The following RANBP2 variants were observed in gnomAD, a reference collection of about 807,000 sequenced individuals.
RANBP2 encodes the protein E3 SUMO-protein ligase RanBP2.
Under a neutral mutation model 303.6 loss-of-function variants are expected in RANBP2, and 57 were observed. The observed-to-expected ratio is 0.19, with a 90% confidence interval of 0.15 to 0.23. The LOEUF is 0.23. Among genes scored for constraint, RANBP2 ranks in the 10% least tolerant of loss-of-function variants. The pLI is 1.00. For synonymous variants in RANBP2, 1,167 were observed against 1,301.5 expected, an observed-to-expected ratio of 0.90 and a Z score of 2.23; for missense variants, 3,138 against 3,780.8, an observed-to-expected ratio of 0.83 and a Z score of 4.46.
the RANBP2 span, among the ~76,000 whole-genome samples, chr2:109,625,955 T>C: frequency 2.0e-5 from 3 of 152,330 alleles, no homozygotes; most frequent in East Asian, 5.8e-4. Context: ...TGGTGTTCCC[T>C]TTCTTTAAGA....
chr2:109,273,946 G>A, the RANBP2 span, among the ~76,000 whole-genome samples: 1 of 152,154 alleles, frequency 6.6e-6, no homozygotes, highest in African/African-American at 2.4e-5. Flanking sequence ...AGGGCTATGT[G>A]ACTTTCTGTA....
chr2:108,766,587 A>G lies in RANBP2; in HGVS notation c.6048A>G (p.Val2016=), dbSNP rs1475730284. 1 of 1,612,020 alleles carries G rather than the reference A, an allele frequency of 6.2e-7. No homozygotes were observed. The highest frequency in any genetic ancestry group is 8.5e-7 in the Non-Finnish European group (1 of 1,179,846). The part of the protein sequence containing the change: ...EDSDDIHFEP[V]VQMPEKVELV... ...GCGATGACATCCATTTTGAACCAGT[A>G]GTTCAAATGCCCGAAAAAGTAGAAC... Residue 2016 remains valine, a synonymous_variant, in exon 20 of 29, where the codon GTA becomes GTG. Coordinates refer to ENST00000283195, the MANE Select transcript of RANBP2 (RefSeq NM_006267.5).
the RANBP2 span, among the ~76,000 whole-genome samples, chr2:109,317,004 A>G: frequency 6.6e-6 from 1 of 151,876 alleles, no homozygotes; most frequent in Non-Finnish European, 1.5e-5. Context: ...ATCACTGAAT[A>G]ACACTCCATT....
At chr2:109,503,163 A>C in the RANBP2 span, 1 of 152,212 alleles carries the variant, frequency 6.6e-6, no homozygotes, top group Non-Finnish European at 1.5e-5. Context: ...CACCTTAGGA[A>C]CACATTTTTA....
At chr2:109,051,666 A>G in the RANBP2 span, among the ~76,000 whole-genome samples, 5 of 152,176 alleles carry the variant, frequency 3.3e-5, no homozygotes, top group African/African-American at 1.2e-4. Context: ...GAAAAGAAGG[A>G]AAAAGGGCAT....
At chr2:109,289,627 G>A in the RANBP2 span, among the ~76,000 whole-genome samples, 7 of 152,178 alleles carry the variant, frequency 4.6e-5, no homozygotes, top group Non-Finnish European at 8.8e-5. Context: ...ACATCACGTG[G>A]AAAGCTATGT....
At chr2:109,489,110 G>T in the RANBP2 span, among the ~76,000 whole-genome samples, 3 of 152,364 alleles carry the variant, frequency 2.0e-5, no homozygotes, top group Non-Finnish European at 2.9e-5. Flanking sequence ...GTTGGAGGCT[G>T]GGATCCACAC....
At chr2:109,574,659 C>T in the RANBP2 span, 1 of 1,609,108 alleles carries the variant, frequency 6.2e-7, no homozygotes, top group Non-Finnish European at 8.5e-7. Context: ...AGTAGAGACA[C>T]ACATGGATGC....
the RANBP2 span, among the ~76,000 whole-genome samples, chr2:108,989,867 C>T: frequency 1.3e-5 from 2 of 152,132 alleles, no homozygotes; most frequent in Non-Finnish European, 2.9e-5. Flanking sequence ...CATTTTCTCC[C>T]TCATTCACAC....
the RANBP2 span, among the ~76,000 whole-genome samples, chr2:109,433,888 C>G: frequency 1.3e-5 from 2 of 152,226 alleles, no homozygotes; most frequent in African/African-American, 4.8e-5. Flanking sequence ...AAATGCACCC[C>G]CTCAAACCCA....
the RANBP2 span, among the ~76,000 whole-genome samples, chr2:109,464,305 TACA>T: frequency 6.6e-6 from 1 of 152,214 alleles, no homozygotes; most frequent in Non-Finnish European, 1.5e-5. Flanking sequence ...CATACACATG[TACA>T]ACATGAACTC....
the RANBP2 span, among the ~76,000 whole-genome samples, chr2:109,469,703 A>G: frequency 5.9e-5 from 9 of 152,332 alleles, no homozygotes; most frequent in East Asian, 1.5e-3. Flanking sequence ...GCAAATAGTA[A>G]TAAGTCTGGC....
chr2:108,732,494 T>C (rs535321119), intron 4 of RANBP2, among the ~76,000 whole-genome samples: 20 of 152,312 alleles, frequency 1.3e-4, no homozygotes, highest in Non-Finnish European at 2.6e-4. Flanking sequence ...GAAATACTTC[T>C]GGTCTCAAGC....
At chr2:109,051,570 G>A in the RANBP2 span, among the ~76,000 whole-genome samples, 1 of 152,070 alleles carries the variant, frequency 6.6e-6, no homozygotes, top group Non-Finnish European at 1.5e-5. Context: ...GCATAAGTGA[G>A]CCTTAGAAAT....
chr2:109,548,715 G>T, the RANBP2 span, among the ~76,000 whole-genome samples: 1 of 136,868 alleles, frequency 7.3e-6, no homozygotes, highest in Non-Finnish European at 1.5e-5. Context: ...GGCCGAGGTT[G>T]CAGTGAGCCG....
chr2:109,674,443 G>A, the RANBP2 span, among the ~76,000 whole-genome samples: 1 of 144,820 alleles, frequency 6.9e-6, no homozygotes, highest in Admixed American at 7.0e-5. Flanking sequence ...AATTAACCGA[G>A]CATGATGGCA....
chr2:109,683,879 T>G, the RANBP2 span, among the ~76,000 whole-genome samples: 104 of 152,292 alleles, frequency 6.8e-4, no homozygotes, highest in African/African-American at 2.5e-3. Context: ...CTATTTCATA[T>G]TTTTCTTTCA....
the RANBP2 span, chr2:108,839,073 C>A: frequency 8.7e-7 from 1 of 1,148,820 alleles, no homozygotes; most frequent in Non-Finnish European, 1.2e-6. Context: ...TGTTGGAGAA[C>A]TCTTTTGTTT....
At chr2:109,602,962 T>C in the RANBP2 span, among the ~76,000 whole-genome samples, 1 of 150,712 alleles carries the variant, frequency 6.6e-6, no homozygotes, top group East Asian at 2.0e-4. Flanking sequence ...AAACTGATAC[T>C]TGGAAGACTG....
Sources: allele counts gnomAD v4.1 joint callset (sites outside exome capture counted in the v4.1 genomes callset), GRCh38; gene constraint gnomAD v4.1.1; transcripts MANE v1.5; gene names NCBI Gene and HGNC (gene_info 2026-07-23, HGNC 2026-07-21).